TPD52L1: variants seen among roughly 807,000 people sequenced by gnomAD.
The protein encoded by TPD52L1 is TPD52 like 1, also known as tumor protein D53.
A neutral mutation model predicts 28.7 loss-of-function variants in TPD52L1; 18 were observed. That is an observed-to-expected ratio of 0.63 (90% CI 0.43 to 0.93). The LOEUF (loss-of-function observed/expected upper bound fraction) is 0.93. Among genes scored for constraint, TPD52L1 ranks in the 40% least tolerant of loss-of-function variants. The pLI is 0.00. For missense variants in TPD52L1, 203 were observed against 254.8 expected (o/e 0.80, Z 1.39); for synonymous variants, 75 against 88.8 (o/e 0.84, Z 0.88).
intron 1 of TPD52L1, among the ~76,000 whole-genome samples, chr6:125,167,054 C>T (rs1790959760): frequency 6.6e-6 from 1 of 152,006 alleles, no homozygotes; most frequent in Admixed American, 6.6e-5. Context: ...CCCAGGAGCT[C>T]AAGACCAGCC....
At chr6:125,165,198 A>C (rs940171649) in intron 1 of TPD52L1, among the ~76,000 whole-genome samples, 1 of 151,142 alleles carries the variant, frequency 6.6e-6, no homozygotes, top group Admixed American at 6.6e-5. Flanking sequence ...TTAAGAACAC[A>C]TAAAAGGTGA....
At chr6:125,234,138 T>TAAACATTAGCTGCCATTGCTTTAAA (rs1796113882) in intron 3 of TPD52L1, among the ~76,000 whole-genome samples, 2 of 152,240 alleles carry the variant, frequency 1.3e-5, no homozygotes, top group African/African-American at 4.8e-5. Context: ...AGGTGCTCTA[T>TAAACATTAGCTGCCATTGCTTTAAA]AAACATTAGC....
chr6:125,200,190 C>T (rs1793714525), intron 1 of TPD52L1, among the ~76,000 whole-genome samples: 1 of 152,088 alleles, frequency 6.6e-6, no homozygotes, highest in Non-Finnish European at 1.5e-5. Context: ...GTTCAGCATG[C>T]CATGAATTGC....
intron 1 of TPD52L1, among the ~76,000 whole-genome samples, chr6:125,163,916 CAAAAAAAA>C (rs779811391): frequency 1.4e-5 from 1 of 73,270 alleles, no homozygotes; most frequent in South Asian, 4.6e-4. Flanking sequence ...CACTCTGTCT[CAAAAAAAA>C]AAAAAAAGAA....
chr6:125,195,943 C>T (rs769754975), intron 1 of TPD52L1, among the ~76,000 whole-genome samples: 1 of 152,170 alleles, frequency 6.6e-6, no homozygotes, highest in Non-Finnish European at 1.5e-5. Context: ...AGCAGAGGCC[C>T]TGTCTGCTCT....
intron 1 of TPD52L1, among the ~76,000 whole-genome samples, chr6:125,219,242 G>A (rs1457552040): frequency 6.6e-6 from 1 of 152,160 alleles, no homozygotes; most frequent in Non-Finnish European, 1.5e-5. Context: ...AGATGTTGAG[G>A]GGCCCTACCA....
chr6:125,154,937 G>T (rs1435867695), intron 1 of TPD52L1, among the ~76,000 whole-genome samples: 3 of 145,716 alleles, frequency 2.1e-5, no homozygotes, highest in Admixed American at 6.8e-5. Flanking sequence ...TCATTAAAAA[G>T]AAAAAAAAAA....
chr6:125,245,079 T>C (rs1398612178), intron 3 of TPD52L1, among the ~76,000 whole-genome samples: 2 of 152,228 alleles, frequency 1.3e-5, no homozygotes, highest in Admixed American at 6.5e-5. Flanking sequence ...ATGACCAGTC[T>C]TCAGGTCTCC....
chr6:125,216,525 GTGTGTATATATATATATATATATA>G (rs1240572445), intron 1 of TPD52L1, among the ~76,000 whole-genome samples: 17 of 104,866 alleles, frequency 1.6e-4, no homozygotes, highest in Middle Eastern at 0.01. Context: ...TTCAGTATGT[GTGTGTATATATATATATATATATA>G]TATATATATA....
chr6:125,194,257 AACCATTAACTC>A (rs1487006404), intron 1 of TPD52L1, among the ~76,000 whole-genome samples: 1 of 152,212 alleles, frequency 6.6e-6, no homozygotes, highest in East Asian at 1.9e-4. Flanking sequence ...GATCCAGAAG[AACCATTAACTC>A]ACCATTAACT....
intron 3 of TPD52L1, among the ~76,000 whole-genome samples, chr6:125,230,951 T>G (rs17052906): frequency 0.1 from 15,331 of 152,278 alleles, 2,578 homozygotes; most frequent in African/African-American, 0.34. Context: ...AAAAGATAAG[T>G]TGCAACACCA....
At chr6:125,251,226 A>G (rs1162195466) in intron 4 of TPD52L1, among the ~76,000 whole-genome samples, 1 of 152,168 alleles carries the variant, frequency 6.6e-6, no homozygotes, top group Non-Finnish European at 1.5e-5. Flanking sequence ...CAGACCTTTT[A>G]TTTTAAACTT....
chr6:125,154,010 G>A lies in TPD52L1; in HGVS notation c.19+40G>A, dbSNP rs550225311. On this transcript the variant is annotated intron_variant, in intron 1 of 6. Coordinates refer to ENST00000534000, the MANE Select transcript of TPD52L1 (RefSeq NM_003287.4). ...ATCGCCCCGAGAGTCAGGTCCTGGGGCGCGCATAAAGGCTCTTTTCCTGCA... is the reference window on the plus strand; with the variant it reads ...ATCGCCCCGAGAGTCAGGTCCTGGGACGCGCATAAAGGCTCTTTTCCTGCA... The A allele has an allele frequency of 6.3e-6, 10 of 1,589,126 alleles. No individual in the cohort carries two copies. The South Asian group carries it at 1.0e-4, about 17-fold the overall frequency.
At chr6:125,179,232 A>G (rs1792028364) in intron 1 of TPD52L1, among the ~76,000 whole-genome samples, 1 of 152,252 alleles carries the variant, frequency 6.6e-6, no homozygotes, top group Non-Finnish European at 1.5e-5. Context: ...CTTCAAGAGG[A>G]CAAATACTAT....
At chr6:125,158,336 A>C (rs1790275644) in intron 1 of TPD52L1, among the ~76,000 whole-genome samples, 1 of 152,192 alleles carries the variant, frequency 6.6e-6, no homozygotes, top group South Asian at 2.1e-4. Flanking sequence ...CTGTTTGCAA[A>C]GTCCTTTAAA....
intron 2 of TPD52L1, among the ~76,000 whole-genome samples, chr6:125,225,169 G>A (rs1393087575): frequency 1.3e-5 from 2 of 152,144 alleles, no homozygotes; most frequent in Non-Finnish European, 2.9e-5. Flanking sequence ...GTTGTAGCAT[G>A]TTTTAGTACT....
chr6:125,159,110 G>A (rs1049540646), intron 1 of TPD52L1, among the ~76,000 whole-genome samples: 7 of 152,184 alleles, frequency 4.6e-5, no homozygotes, highest in Admixed American at 1.3e-4. Context: ...GTAAGACAAC[G>A]AGGAAGTTTG....
At chr6:125,193,545 A>T (rs1297048973) in intron 1 of TPD52L1, among the ~76,000 whole-genome samples, 1 of 152,174 alleles carries the variant, frequency 6.6e-6, no homozygotes, top group Non-Finnish European at 1.5e-5. Context: ...TGATGGCAGA[A>T]CTTCACAGGC....
At chr6:125,252,108 G>A in intron 4 of TPD52L1, 1 of 1,509,190 alleles carries the variant, frequency 6.6e-7, no homozygotes, top group Non-Finnish European at 8.9e-7. Context: ...AGGGCTCCCT[G>A]TTTCTTTCAC....
Sources: gnomAD v4.1 joint callset for allele counts (sites outside exome capture counted in the v4.1 genomes callset) on GRCh38, gnomAD v4.1.1 for gene constraint, MANE v1.5 for transcripts, NCBI Gene and HGNC (gene_info 2026-07-23, HGNC 2026-07-21) for gene names.